RANBP17: variants seen among roughly 807,000 people sequenced by gnomAD.
RANBP17 encodes ran-binding protein 17.
A neutral mutation model predicts 141.2 loss-of-function variants in RANBP17; 158 were observed. That is an observed-to-expected ratio of 1.12 (90% confidence interval 0.98 to 1.28). The LOEUF is 1.28. Ranked by LOEUF, RANBP17 falls within the 50% of genes most tolerant of loss-of-function variation. RANBP17 has a pLI of 0.00. For missense variants in RANBP17, 1,438 were observed against 1,290.7 expected (o/e 1.11, Z -1.75); for synonymous variants, 430 against 450.0 (o/e 0.96, Z 0.56).
intron 25 of RANBP17, among the ~76,000 whole-genome samples, chr5:171,284,175 G>A (rs1768019190): frequency 6.6e-6 from 1 of 152,140 alleles, no homozygotes. Flanking sequence ...TATGCACGCT[G>A]CTTAGGGTTC....
intron 14 of RANBP17, among the ~76,000 whole-genome samples, chr5:171,011,255 G>C (rs1466881685): frequency 1.3e-5 from 2 of 152,000 alleles, no homozygotes; most frequent in Admixed American, 1.3e-4. Context: ...TATTTGCTTA[G>C]TTTGCCATCA....
intron 22 of RANBP17, among the ~76,000 whole-genome samples, chr5:171,236,039 A>G (rs938187932): frequency 6.6e-6 from 1 of 152,182 alleles, no homozygotes; most frequent in Admixed American, 6.5e-5. Context: ...GAAATATTAT[A>G]TTCCCTCCAG....
chr5:170,978,397 A>G (rs1013919620), intron 14 of RANBP17, among the ~76,000 whole-genome samples: 33 of 152,300 alleles, frequency 2.2e-4, no homozygotes, highest in African/African-American at 7.9e-4. Flanking sequence ...GTGTACAAGA[A>G]TATTTATAGC....
At chr5:171,149,633 G>C (rs1298600713) in intron 14 of RANBP17, among the ~76,000 whole-genome samples, 1 of 152,152 alleles carries the variant, frequency 6.6e-6, no homozygotes, top group Non-Finnish European at 1.5e-5. Context: ...TATTGTACTT[G>C]AGCAATATAG....
intron 14 of RANBP17, among the ~76,000 whole-genome samples, chr5:171,013,983 A>G (rs1046762353): frequency 6.6e-6 from 1 of 152,076 alleles, no homozygotes; most frequent in Admixed American, 6.6e-5. Context: ...TCACACTTCT[A>G]TACAGTTTCA....
chr5:171,146,600 A>G (rs1758043938), intron 14 of RANBP17, among the ~76,000 whole-genome samples: 1 of 152,182 alleles, frequency 6.6e-6, no homozygotes, highest in South Asian at 2.1e-4. Flanking sequence ...GAGGGTAAAT[A>G]TCTTTGATCA....
intron 14 of RANBP17, among the ~76,000 whole-genome samples, chr5:171,079,074 G>C (rs1402410494): frequency 1.3e-5 from 2 of 152,172 alleles, no homozygotes; most frequent in African/African-American, 4.8e-5. Context: ...TGTGATTCAT[G>C]GAAGTAGGTC....
At chr5:171,254,458 C>CT (rs1344799711) in intron 24 of RANBP17, among the ~76,000 whole-genome samples, 1 of 151,966 alleles carries the variant, frequency 6.6e-6, no homozygotes, top group East Asian at 1.9e-4. Flanking sequence ...CCCTAGCAGC[C>CT]TGGATAGTGA....
At chr5:171,045,502 A>G (rs1023900740) in intron 14 of RANBP17, among the ~76,000 whole-genome samples, 53 of 152,278 alleles carry the variant, frequency 3.5e-4, no homozygotes, top group Non-Finnish European at 4.4e-5. Context: ...ATTTATAGTA[A>G]TAATGTATTG....
intron 14 of RANBP17, among the ~76,000 whole-genome samples, chr5:171,104,225 C>A (rs1787386016): frequency 3.3e-5 from 5 of 152,046 alleles, no homozygotes; most frequent in Non-Finnish European, 5.9e-5. Context: ...TCAGTAGAGA[C>A]AGGATTTCTC....
rs753056399 is a variant in RANBP17, at chr5:171,221,840, G to A, written c.2422G>A (p.Gly808Ser). ...REASKMVCTY[G>S]NQILSLGSLS... ...AGCTAGTAAAATGGTTTGCACTTAT[G>A]GTGAGTGTCCTTTTCCATATGTGCC... The change falls in exon 22 of 28, where the codon GGT becomes AGT. Residue 808 changes from glycine (G) to serine (S), a missense_variant and splice_region_variant. Transcript: ENST00000523189. 2 of 1,560,984 alleles carry A rather than the reference G, an allele frequency of 1.3e-6. No homozygotes were observed. The highest frequency in any genetic ancestry group is 1.1e-5 in the South Asian group (1 of 89,552).
At chr5:171,244,230 GAAA>G (rs1765068302) in intron 24 of RANBP17, among the ~76,000 whole-genome samples, 1 of 151,390 alleles carries the variant, frequency 6.6e-6, no homozygotes, top group Non-Finnish European at 1.5e-5. Flanking sequence ...TGTCTCTACT[GAAA>G]ATACAAAAAA....
intron 13 of RANBP17, among the ~76,000 whole-genome samples, chr5:170,964,942 T>A (rs1776433403): frequency 6.6e-6 from 1 of 152,158 alleles, no homozygotes; most frequent in African/African-American, 2.4e-5. Flanking sequence ...CAAATGGTAT[T>A]TCTAGTTCTA....
intron 14 of RANBP17, among the ~76,000 whole-genome samples, chr5:171,022,799 A>C (rs1780964112): frequency 6.6e-6 from 1 of 152,186 alleles, no homozygotes; most frequent in Admixed American, 6.5e-5. Context: ...AACCGCAGCT[A>C]TGGTGCTGGT....
intron 14 of RANBP17, among the ~76,000 whole-genome samples, chr5:171,081,778 AATAAG>A (rs1347097689): frequency 6.6e-6 from 1 of 152,172 alleles, no homozygotes; most frequent in Non-Finnish European, 1.5e-5. Flanking sequence ...TTATAAAGGA[AATAAG>A]ATAGCTTCTT....
intron 14 of RANBP17, among the ~76,000 whole-genome samples, chr5:170,976,067 A>G (rs1777357535): frequency 6.6e-6 from 1 of 152,140 alleles, no homozygotes; most frequent in Non-Finnish European, 1.5e-5. Context: ...TTACATCTCT[A>G]CTTGCAGATG....
intron 2 of RANBP17, among the ~76,000 whole-genome samples, chr5:170,880,952 A>G (rs940505781): frequency 2.0e-5 from 3 of 152,202 alleles, no homozygotes; most frequent in South Asian, 2.1e-4. Flanking sequence ...TGAGCGCCAC[A>G]TGTGGTCTCT....
At chr5:171,239,400 T>C (rs1236844118) in intron 22 of RANBP17, among the ~76,000 whole-genome samples, 1 of 152,128 alleles carries the variant, frequency 6.6e-6, no homozygotes, top group East Asian at 1.9e-4. Context: ...TTAGTACACA[T>C]GTGATTACCA....
chr5:171,173,588 G>T (rs1473062789), intron 16 of RANBP17, among the ~76,000 whole-genome samples: 1 of 152,090 alleles, frequency 6.6e-6, no homozygotes, highest in South Asian at 2.1e-4. Context: ...CTGAACTTTG[G>T]TGGTCTTTTA....
Sources: gnomAD v4.1 joint callset for allele counts (sites outside exome capture counted in the v4.1 genomes callset) on GRCh38, gnomAD v4.1.1 for gene constraint, MANE v1.5 for transcripts, NCBI Gene and HGNC (gene_info 2026-07-23, HGNC 2026-07-21) for gene names.